CDH13: variants seen among roughly 807,000 people sequenced by gnomAD.
CDH13 encodes the protein cadherin-13.
CDH13 carries 24 observed loss-of-function variants against 63.8 expected under a neutral mutation model. The observed-to-expected ratio is 0.38, with a 90% CI of 0.27 to 0.53. The LOEUF (loss-of-function observed/expected upper bound fraction) is 0.53. CDH13 is among the 20% of genes least tolerant of loss of function. The pLI is 0.85. For synonymous variants in CDH13, 503 were observed against 355.3 expected, an observed-to-expected ratio of 1.42 and a Z score of -4.67; for missense variants, 1,049 against 903.1, an observed-to-expected ratio of 1.16 and a Z score of -2.07.
chr16:82,713,895 T>C (rs1466364538), intron 1 of CDH13, among the ~76,000 whole-genome samples: 12 of 151,762 alleles, frequency 7.9e-5, no homozygotes, highest in Admixed American at 7.9e-4. Context: ...ATCTTGGAAG[T>C]GCTCAGCTGA....
At chr16:83,631,037 C>A (rs17688628) in intron 8 of CDH13, among the ~76,000 whole-genome samples, 18,173 of 152,202 alleles carry the variant, frequency 0.12, 1,144 homozygotes, top group African/African-American at 0.14. Flanking sequence ...CCCGGAGATA[C>A]ATCTCTGCCG....
chr16:82,902,595 C>G (rs2041507241), intron 2 of CDH13, among the ~76,000 whole-genome samples: 1 of 151,910 alleles, frequency 6.6e-6, no homozygotes. Flanking sequence ...TCCCCCACCC[C>G]TCTTTTCTCA....
intron 1 of CDH13, among the ~76,000 whole-genome samples, chr16:82,707,099 G>A (rs1441729287): frequency 6.6e-6 from 1 of 152,192 alleles, no homozygotes; most frequent in Non-Finnish European, 1.5e-5. Flanking sequence ...TTAGTCACAG[G>A]CAGGTTGTTT....
chr16:83,126,522 T>A (rs547336068), intron 4 of CDH13, among the ~76,000 whole-genome samples: 1 of 152,148 alleles, frequency 6.6e-6, no homozygotes, highest in South Asian at 2.1e-4. Context: ...ACAGAATGGG[T>A]AGCCAGGATT....
At chr16:82,907,566 T>C (rs1043281867) in intron 2 of CDH13, among the ~76,000 whole-genome samples, 3 of 152,188 alleles carry the variant, frequency 2.0e-5, no homozygotes, top group Non-Finnish European at 4.4e-5. Flanking sequence ...AGCAAAACAG[T>C]CCATGCTTGC....
chr16:83,637,184 A>G (rs1911338825), intron 8 of CDH13, among the ~76,000 whole-genome samples: 4 of 152,232 alleles, frequency 2.6e-5, no homozygotes, highest in Admixed American at 2.6e-4. Flanking sequence ...TGATTAAAAC[A>G]TAACTCATTT....
chr16:82,965,027 C>T (rs1372748434), intron 2 of CDH13, among the ~76,000 whole-genome samples: 3 of 152,220 alleles, frequency 2.0e-5, no homozygotes, highest in African/African-American at 4.8e-5. Context: ...TCGCTGAGTA[C>T]TGTCAAAGAA....
At chr16:82,802,800 G>C (rs2036931298) in intron 1 of CDH13, among the ~76,000 whole-genome samples, 1 of 152,140 alleles carries the variant, frequency 6.6e-6, no homozygotes, top group Non-Finnish European at 1.5e-5. Context: ...AAGCTGCCAG[G>C]AAAGTGCACT....
intron 1 of CDH13, among the ~76,000 whole-genome samples, chr16:82,640,793 C>T (rs1909303534): frequency 6.6e-6 from 1 of 152,164 alleles, no homozygotes; most frequent in African/African-American, 2.4e-5. Context: ...GGTAAAGATG[C>T]TAATAGTCAA....
chr16:83,271,454 T>TAAAAAAAAAAAAAAAAA (rs2088810570), intron 5 of CDH13, among the ~76,000 whole-genome samples: 1 of 17,124 alleles, frequency 5.8e-5, no homozygotes, highest in Non-Finnish European at 1.8e-4. Flanking sequence ...AAAAAAAAAT[T>TAAAAAAAAAAAAAAAAA]CATGGTTGCT....
At chr16:82,968,838 G>T (rs1486456555) in intron 2 of CDH13, among the ~76,000 whole-genome samples, 1 of 152,152 alleles carries the variant, frequency 6.6e-6, no homozygotes, top group Non-Finnish European at 1.5e-5. Context: ...GTAATAATAA[G>T]GCTGGGTGTA....
chr16:83,011,627 G>A (rs1360181938), intron 2 of CDH13, among the ~76,000 whole-genome samples: 1 of 152,184 alleles, frequency 6.6e-6, no homozygotes, highest in African/African-American at 2.4e-5. Flanking sequence ...ACATATCACT[G>A]AGCAAGGTGA....
intron 4 of CDH13, among the ~76,000 whole-genome samples, chr16:83,162,535 T>C (rs1376091875): frequency 6.6e-6 from 1 of 152,158 alleles, no homozygotes; most frequent in African/African-American, 2.4e-5. Flanking sequence ...TACCAAGTTT[T>C]AAAGGTTGAA....
At chr16:82,895,710 G>C (rs900705291) in intron 2 of CDH13, among the ~76,000 whole-genome samples, 2 of 151,340 alleles carry the variant, frequency 1.3e-5, no homozygotes, top group Non-Finnish European at 2.9e-5. Flanking sequence ...TTTAAAGAGG[G>C]GTGTTTTCTG....
chr16:83,121,924 T>G (rs950706503), intron 3 of CDH13, among the ~76,000 whole-genome samples: 1 of 151,996 alleles, frequency 6.6e-6, no homozygotes, highest in African/African-American at 2.4e-5. Context: ...TCTTGTTTCC[T>G]GTTTGAACTT....
chr16:83,142,354 G>A (rs1025365064), intron 4 of CDH13, among the ~76,000 whole-genome samples: 5 of 151,900 alleles, frequency 3.3e-5, no homozygotes, highest in African/African-American at 1.2e-4. Context: ...CAGAGGTGGG[G>A]TTTTGCCATG....
intron 2 of CDH13, among the ~76,000 whole-genome samples, chr16:82,993,225 C>G (rs909827079): frequency 2.0e-5 from 3 of 152,082 alleles, no homozygotes; most frequent in Non-Finnish European, 4.4e-5. Flanking sequence ...ATTTTATCTC[C>G]CAAAGGCAGC....
intron 2 of CDH13, among the ~76,000 whole-genome samples, chr16:82,935,043 T>C (rs1597245763): frequency 6.6e-6 from 1 of 152,244 alleles, no homozygotes; most frequent in East Asian, 1.9e-4. Context: ...ACCAATTTGC[T>C]TTATTAGTCT....
At chr16:82,647,353 T>C (rs1002242322) in intron 1 of CDH13, among the ~76,000 whole-genome samples, 2 of 152,210 alleles carry the variant, frequency 1.3e-5, no homozygotes, top group African/African-American at 2.4e-5. Flanking sequence ...TGTCACAGTC[T>C]CAGTTTGAGT....
Sources: allele counts gnomAD v4.1 joint callset (sites outside exome capture counted in the v4.1 genomes callset), GRCh38; gene constraint gnomAD v4.1.1; transcripts MANE v1.5; gene names NCBI Gene and HGNC (gene_info 2026-07-23, HGNC 2026-07-21).